GSE1: variants seen among roughly 807,000 people sequenced by gnomAD.
GSE1 encodes Gse1 coiled-coil protein.
Under a neutral mutation model 112.6 loss-of-function variants are expected in GSE1, and 32 were observed. The ratio of observed to expected loss-of-function variants is 0.28; its 90% CI spans 0.21 to 0.38. GSE1 has a LOEUF of 0.38. Ranked by LOEUF, GSE1 falls within the 10% of genes least tolerant of loss-of-function variation. The pLI, the probability that GSE1 is intolerant of heterozygous loss-of-function variation, is 1.00. For synonymous variants in GSE1, 1,115 were observed against 735.6 expected, an observed-to-expected ratio of 1.52 and a Z score of -8.35; for missense variants, 2,348 against 1,699.2, an observed-to-expected ratio of 1.38 and a Z score of -6.71.
chr16:85,599,569 G>A (rs1012947710), intron 1 of GSE1, among the ~76,000 whole-genome samples: 4 of 152,234 alleles, frequency 2.6e-5, no homozygotes, highest in African/African-American at 9.7e-5. Flanking sequence ...CTTCCTGGCC[G>A]CGTGCTTCCC....
At chr16:85,471,916 G>A (rs2050307614) in intron 2 of GSE1, among the ~76,000 whole-genome samples, 1 of 152,222 alleles carries the variant, frequency 6.6e-6, no homozygotes, top group African/African-American at 2.4e-5. Flanking sequence ...GCTGGCACCT[G>A]TGGTGGCCCC....
chr16:85,190,932 G>A (rs962590769), intron 1 of GSE1, among the ~76,000 whole-genome samples: 2 of 152,222 alleles, frequency 1.3e-5, no homozygotes, highest in Non-Finnish European at 2.9e-5. Context: ...ACTGACAGCT[G>A]CTTCTGTGTC....
At chr16:85,559,054 C>T (rs1005018393) in intron 1 of GSE1, among the ~76,000 whole-genome samples, 13 of 152,162 alleles carry the variant, frequency 8.5e-5, no homozygotes, top group Non-Finnish European at 1.6e-4. Flanking sequence ...GATGGGGTTT[C>T]GCCATGTTGG....
chr16:85,675,173 C>A lies in GSE1; in HGVS notation c.*2634C>A, dbSNP rs1388442390. 6.6e-6 allele frequency: 1 copy of A among 152,126 alleles called. No homozygotes were observed. Among genetic ancestry groups the A allele is most frequent in the Admixed American group, 6.5e-5 (1 of 15,270 alleles). 9.4% of individuals were successfully genotyped at this position (152,126 alleles called of 1,614,324 possible). A position where few individuals can be genotyped will look rare whatever the true frequency, so the allele number is the denominator to read the frequency against. On this transcript the variant is annotated 3_prime_UTR_variant, in exon 16 of 16. Transcript: ENST00000253458. ...GCAATCTCTTAAGTTTTTTGTTCAG[C>A]TACTTCACACTGAGTACCTCAAATC...
At chr16:85,647,071 C>T (rs1421332480) in intron 2 of GSE1, among the ~76,000 whole-genome samples, 1 of 152,180 alleles carries the variant, frequency 6.6e-6, no homozygotes, top group Non-Finnish European at 1.5e-5. Context: ...AGTTTTGCTC[C>T]ATGAAGGAGG....
intron 2 of GSE1, among the ~76,000 whole-genome samples, chr16:85,429,622 C>T (rs1362202135): frequency 6.6e-6 from 1 of 152,218 alleles, no homozygotes; most frequent in Non-Finnish European, 1.5e-5. Context: ...CTCCTGTCCT[C>T]ACCTCCTCCC....
chr16:85,246,471 G>GCACACACACACACACACA (rs143143067), intron 1 of GSE1, among the ~76,000 whole-genome samples: 12 of 36,808 alleles, frequency 3.3e-4, no homozygotes, highest in Non-Finnish European at 5.4e-4. Flanking sequence ...CCCACACGCT[G>GCACACACACACACACACA]CACACACACA....
rs188429373 is a variant in GSE1, at chr16:85,255,638, C to T, written c.2283+83831C>T. Among the ~76,000 whole-genome samples the T allele has an allele frequency of 5.1e-4, 78 of 152,090 alleles. 1 individual carries two copies. Among genetic ancestry groups the T allele is most frequent in the Admixed American group, 3.2e-3 (49 of 15,276 alleles). ...AAGGCTGGTGTCGAACTCCTGACCT[C>T]GTGATCTGCCTGCCTTGGCCTCCCA... is the stretch of plus-strand genomic sequence containing the variant. On this transcript the variant is annotated intron_variant, in intron 1 of 2. Coordinates refer to the GSE1 transcript ENST00000637419.
At chr16:85,442,212 C>T (rs548711742) in intron 2 of GSE1, among the ~76,000 whole-genome samples, 1 of 152,282 alleles carries the variant, frequency 6.6e-6, no homozygotes, top group South Asian at 2.1e-4. Flanking sequence ...CCTTTGCTGC[C>T]CCCCTCCTCC....
chr16:85,664,374 G>A (rs920900684), intron 11 of GSE1, among the ~76,000 whole-genome samples: 4 of 151,128 alleles, frequency 2.6e-5, no homozygotes, highest in African/African-American at 4.9e-5. Context: ...GGGTGTAGCC[G>A]TTTACTTTCT....
rs556332610 is a variant in GSE1 at position 85,209,498 on chromosome 16, C to T, written c.2283+37691C>T. The stretch of plus-strand genomic sequence containing the variant: ...CCAGCTGGCGTGCATCCCCCTGGAC[C>T]ACTGACCCCTCCCACCCTCTCCCCC... On this transcript the variant is annotated intron_variant, in intron 1 of 2. Transcript: ENST00000637419. Among the ~76,000 whole-genome samples, 20 of 152,286 alleles carry T rather than the reference C, an allele frequency of 1.3e-4. No individual in the cohort carries two copies. The South Asian group carries it at 4.1e-3, about 32-fold the overall frequency.
intron 2 of GSE1, among the ~76,000 whole-genome samples, chr16:85,523,489 G>C (rs1008318680): frequency 3.9e-5 from 6 of 152,222 alleles, no homozygotes; most frequent in Non-Finnish European, 5.9e-5. Context: ...ACACTCCCCA[G>C]ATCAGGGAGA....
rs1000140577 is a variant in GSE1, at chr16:85,588,367, TG to T, written c.37+32010del. ...GCCCCCCCTTCCCCGCTGCGGGCCT[TG>T]GGGGGCCCGTGTCCCAGCCTGGGCC... is the stretch of plus-strand genomic sequence containing the variant. On this transcript the variant is annotated intron_variant, in intron 1 of 2. Transcript: ENST00000635906. Among the ~76,000 whole-genome samples the T allele has an allele frequency of 2.8e-4, 43 of 152,266 alleles. 1 individual carries two copies. Among genetic ancestry groups the T allele is most frequent in the African/African-American group, 9.6e-4 (40 of 41,570 alleles).
At chr16:85,355,177 C>T (rs1436301490) in intron 1 of GSE1, among the ~76,000 whole-genome samples, 1 of 152,120 alleles carries the variant, frequency 6.6e-6, no homozygotes, top group Non-Finnish European at 1.5e-5. Flanking sequence ...AATTCTGAAC[C>T]ATCCATCTCA....
At chr16:85,333,263 C>A (rs1239038161) in intron 1 of GSE1, among the ~76,000 whole-genome samples, 2 of 152,134 alleles carry the variant, frequency 1.3e-5, no homozygotes, top group Non-Finnish European at 1.5e-5. Context: ...CTCTGAAGGC[C>A]TCCCAGCTGA....
intron 1 of GSE1, among the ~76,000 whole-genome samples, chr16:85,203,553 G>A (rs564091188): frequency 3.3e-5 from 5 of 152,192 alleles, no homozygotes; most frequent in Non-Finnish European, 7.4e-5. Flanking sequence ...TGCAGGACAC[G>A]GAAGGGGAGG....
intron 1 of GSE1, among the ~76,000 whole-genome samples, chr16:85,340,000 G>A (rs901914612): frequency 4.6e-5 from 7 of 152,140 alleles, no homozygotes; most frequent in South Asian, 2.1e-4. Context: ...ATGTCCCCTG[G>A]TCCCCACCTC....
intron 1 of GSE1, among the ~76,000 whole-genome samples, chr16:85,322,524 C>T (rs2046130158): frequency 6.6e-6 from 1 of 151,786 alleles, no homozygotes; most frequent in Non-Finnish European, 1.5e-5. Flanking sequence ...CAGGGGTCTG[C>T]TGGGTTCAGG....
At chr16:85,227,196 T>C (rs4598896) in intron 1 of GSE1, among the ~76,000 whole-genome samples, 62,033 of 152,032 alleles carry the variant, frequency 0.41, 12,791 homozygotes, top group South Asian at 0.49. Context: ...GCTGAAGACA[T>C]AGCAATGAAC....
Sources: allele counts gnomAD v4.1 joint callset (sites outside exome capture counted in the v4.1 genomes callset), GRCh38; gene constraint gnomAD v4.1.1; transcripts MANE v1.5; gene names NCBI Gene and HGNC (gene_info 2026-07-23, HGNC 2026-07-21).